LRRFIP2: variants seen among roughly 807,000 people sequenced by gnomAD.
The protein encoded by LRRFIP2 is LRR binding FLII interacting protein 2, also known as leucine-rich repeat flightless-interacting protein 2.
In LRRFIP2, 109 loss-of-function variants were observed where a neutral mutation model predicts 125.9. The observed-to-expected ratio is 0.87, with a 90% CI of 0.74 to 1.01. LRRFIP2 has a LOEUF of 1.01. Among genes scored for constraint, LRRFIP2 ranks in the 50% least tolerant of loss-of-function variants. The pLI is 0.00. For missense variants in LRRFIP2, 850 were observed against 862.3 expected, an observed-to-expected ratio of 0.99 and a Z score of 0.18; for synonymous variants, 291 against 293.1, an observed-to-expected ratio of 0.99 and a Z score of 0.07.
At chr3:37,136,819 C>T (rs1038365961) in intron 2 of LRRFIP2, among the ~76,000 whole-genome samples, 4 of 152,100 alleles carry the variant, frequency 2.6e-5, no homozygotes, top group African/African-American at 9.7e-5. Flanking sequence ...CTTACCTTTG[C>T]TCTTGATACT....
chr3:37,158,864 T>C (rs932866279), intron 1 of LRRFIP2, among the ~76,000 whole-genome samples: 1 of 152,146 alleles, frequency 6.6e-6, no homozygotes, highest in Non-Finnish European at 1.5e-5. Context: ...TCAACAAATA[T>C]TTACTGAGAA....
intron 2 of LRRFIP2, 72 bp downstream of exon 2, chr3:37,148,822 A>C: frequency 6.4e-7 from 1 of 1,553,620 alleles, no homozygotes. Context: ...AAACGTCTAT[A>C]TCTCTGTCAA....
chr3:37,055,522 C>T (rs143344288), intron 25 of LRRFIP2, among the ~76,000 whole-genome samples: 2,370 of 152,138 alleles, frequency 0.016, 70 homozygotes, highest in African/African-American at 0.051. Context: ...GCTAAGATCG[C>T]GCCACTGCAC....
intron 1 of LRRFIP2, chr3:37,172,828 A>G (rs1438213552): frequency 6.6e-6 from 1 of 152,238 alleles, no homozygotes; most frequent in East Asian, 1.9e-4. Flanking sequence ...GAAGTCCAGC[A>G]TAATTTATTA....
intron 24 of LRRFIP2, among the ~76,000 whole-genome samples, chr3:37,061,022 T>G (rs1397801123): frequency 1.3e-5 from 2 of 152,198 alleles, no homozygotes; most frequent in Admixed American, 1.3e-4. Flanking sequence ...AGATCCCTCA[T>G]GAATAGCTTT....
intron 6 of LRRFIP2, among the ~76,000 whole-genome samples, chr3:37,116,824 T>C (rs889501209): frequency 6.6e-6 from 1 of 152,106 alleles, no homozygotes; most frequent in Non-Finnish European, 1.5e-5. Context: ...AGTGGTACCA[T>C]TTTACCACTG....
At chr3:37,109,809 T>C in intron 9 of LRRFIP2, 106 bp from the exon 10 acceptor site, 2 of 911,944 alleles carry the variant, frequency 2.2e-6, no homozygotes, top group Non-Finnish European at 3.4e-6. Flanking sequence ...TACTCCATAA[T>C]TCATTAGCAA....
intron 1 of LRRFIP2, among the ~76,000 whole-genome samples, chr3:37,168,384 G>A (rs2096538839): frequency 1.3e-5 from 2 of 152,182 alleles, no homozygotes; most frequent in Admixed American, 6.5e-5. Flanking sequence ...TGACATGGAT[G>A]AATCTTGAAG....
intron 25 of LRRFIP2, among the ~76,000 whole-genome samples, chr3:37,056,388 A>T (rs2086858362): frequency 6.6e-6 from 1 of 152,226 alleles, no homozygotes; most frequent in African/African-American, 2.4e-5. Flanking sequence ...ATCTAACTTA[A>T]GAACTTTTCT....
At chr3:37,156,098 C>T (rs1164258496) in intron 1 of LRRFIP2, among the ~76,000 whole-genome samples, 1 of 152,104 alleles carries the variant, frequency 6.6e-6, no homozygotes, top group Non-Finnish European at 1.5e-5. Context: ...TCATCTTGAA[C>T]CCCTGGGCTC....
At chr3:37,113,598 G>A (rs1288198366) in intron 7 of LRRFIP2, among the ~76,000 whole-genome samples, 1 of 152,152 alleles carries the variant, frequency 6.6e-6, no homozygotes, top group African/African-American at 2.4e-5. Flanking sequence ...CACCACTCCT[G>A]GCTAAGGGTA....
intron 25 of LRRFIP2, among the ~76,000 whole-genome samples, chr3:37,056,894 T>A (rs1486983208): frequency 6.6e-6 from 1 of 152,218 alleles, no homozygotes; most frequent in African/African-American, 2.4e-5. Flanking sequence ...ATTATCCAAA[T>A]GTACTTCTTC....
rs375594357 is a variant in LRRFIP2, at chr3:37,102,965, C to A, written c.832G>T (p.Val278Phe). The change falls in exon 15 of 28, where the codon GTC (valine) becomes TTC (phenylalanine). Residue 278 changes from valine (V) to phenylalanine (F), a missense_variant. Physicochemically the swap from Val to Phe is conservative, Grantham distance 50 (BLOSUM62 -1). Transcript: ENST00000336686. ...FSRSNRRGSV[V>F]SEVDDISIPD... is the part of the protein sequence containing the mutation. The stretch of plus-strand genomic sequence containing the variant: ...ATACTGATATCATCCACCTCAGAGA[C>A]AACACTTCCCCTACGATTGGAGCGA... The A allele has an allele frequency of 2.6e-6, 4 of 1,565,998 alleles. No homozygotes were observed. In the African/African-American group the frequency reaches 5.4e-5, roughly 21 times the overall value.
chr3:37,059,626 A>G (rs1218031080), intron 24 of LRRFIP2, among the ~76,000 whole-genome samples: 1 of 151,990 alleles, frequency 6.6e-6, no homozygotes, highest in Non-Finnish European at 1.5e-5. Flanking sequence ...ATCTCTACTA[A>G]AACTACAAAA....
At chr3:37,120,951 C>T (rs533876539) in intron 6 of LRRFIP2, among the ~76,000 whole-genome samples, 33 of 152,214 alleles carry the variant, frequency 2.2e-4, no homozygotes, top group South Asian at 6.2e-4. Flanking sequence ...CTTCTCCTTC[C>T]TCCTGACTTA....
At chr3:37,122,807 C>G (rs768145483) in intron 4 of LRRFIP2, among the ~76,000 whole-genome samples, 24 of 152,196 alleles carry the variant, frequency 1.6e-4, no homozygotes, top group Non-Finnish European at 1.8e-4. Flanking sequence ...TAATTCTAAA[C>G]TTTTCCACAT....
intron 1 of LRRFIP2, among the ~76,000 whole-genome samples, chr3:37,168,050 C>T (rs904391005): frequency 1.3e-5 from 2 of 152,126 alleles, no homozygotes; most frequent in Non-Finnish European, 2.9e-5. Context: ...AACTGGAACC[C>T]TTGTGCATTG....
intron 15 of LRRFIP2, among the ~76,000 whole-genome samples, chr3:37,100,674 A>G (rs1020511555): frequency 2.0e-5 from 3 of 152,208 alleles, no homozygotes; most frequent in African/African-American, 7.2e-5. Flanking sequence ...AGGAAGACAT[A>G]ACTATTAATT....
At chr3:37,173,454 T>C (rs934986116) in intron 1 of LRRFIP2, among the ~76,000 whole-genome samples, 1 of 152,166 alleles carries the variant, frequency 6.6e-6, no homozygotes, top group African/African-American at 2.4e-5. Context: ...CTTCCAAAAG[T>C]TGAGTTTTAA....
Sources: gnomAD v4.1 joint callset for allele counts (sites outside exome capture counted in the v4.1 genomes callset) on GRCh38, gnomAD v4.1.1 for gene constraint, MANE v1.5 for transcripts, NCBI Gene and HGNC (gene_info 2026-07-23, HGNC 2026-07-21) for gene names.